The following HECW2 variants were observed in gnomAD, a reference collection of about 807,000 sequenced individuals.
HECW2 encodes the protein E3 ubiquitin-protein ligase HECW2.
A neutral mutation model predicts 175.2 loss-of-function variants in HECW2; 61 were observed. The ratio of observed to expected loss-of-function variants is 0.35; its 90% CI spans 0.28 to 0.43. The LOEUF is 0.43. HECW2 is among the 20% of genes least tolerant of loss of function. The pLI, the probability that HECW2 is intolerant of heterozygous loss-of-function variation, is 1.00. For synonymous variants in HECW2, 671 were observed against 731.0 expected (o/e 0.92, Z 1.32); for missense variants, 1,524 against 2,000.5 (o/e 0.76, Z 4.54).
At chr2:196,265,608 AG>A (rs1214881990) in intron 17 of HECW2, among the ~76,000 whole-genome samples, 1 of 152,188 alleles carries the variant, frequency 6.6e-6, no homozygotes, top group Non-Finnish European at 1.5e-5. Context: ...TTAGAATTAG[AG>A]TAAGTTTAGG....
intron 1 of HECW2, among the ~76,000 whole-genome samples, chr2:196,517,663 A>C (rs80233753): frequency 0.14 from 20,909 of 152,230 alleles, 1,512 homozygotes; most frequent in Middle Eastern, 0.24. Flanking sequence ...TCATATAATA[A>C]TACTACAGTT....
At chr2:196,422,277 A>G (rs945865868) in intron 2 of HECW2, among the ~76,000 whole-genome samples, 2 of 152,140 alleles carry the variant, frequency 1.3e-5, no homozygotes, top group African/African-American at 4.8e-5. Flanking sequence ...TGCTCACTGA[A>G]TAGCCAAAGG....
rs768262483 is a variant in HECW2 at position 196,570,186 on chromosome 2, TTTC to T, written c.-36+23319_-36+23321del. 1.7e-4 allele frequency among the ~76,000 whole-genome samples: 26 copies of T among 152,344 alleles called. 1 individual carries two copies. Among genetic ancestry groups the T allele is most frequent in the Middle Eastern group, 6.8e-3 (2 of 294 alleles). ...GTCATTAAACGTTGTAAGGTCCTGT[TTTC>T]TTAACTATAAAATAAAATGGATACA... On this transcript the variant is annotated intron_variant, in intron 1 of 28. Coordinates refer to ENST00000644978, the MANE Select transcript of HECW2 (RefSeq NM_001348768.2).
chr2:196,593,288 G>A (rs1319756262), intron 1 of HECW2, among the ~76,000 whole-genome samples: 2 of 151,220 alleles, frequency 1.3e-5, no homozygotes, highest in Non-Finnish European at 3.0e-5. Flanking sequence ...GAGGGCGCCG[G>A]GGGTCCTGCG....
intron 3 of HECW2, among the ~76,000 whole-genome samples, chr2:196,340,286 C>T (rs1371893825): frequency 6.6e-6 from 1 of 152,058 alleles, no homozygotes; most frequent in Non-Finnish European, 1.5e-5. Context: ...AATGCTCTAG[C>T]CAGACAATGG....
chr2:196,364,278 T>TC (rs1559069136), intron 2 of HECW2, among the ~76,000 whole-genome samples: 1 of 151,864 alleles, frequency 6.6e-6, no homozygotes, highest in Admixed American at 6.6e-5. Flanking sequence ...AAAACCTACT[T>TC]CCCCCCAGCA....
chr2:196,541,891 G>A (rs186473677), intron 1 of HECW2, among the ~76,000 whole-genome samples: 231 of 151,730 alleles, frequency 1.5e-3, no homozygotes, highest in African/African-American at 5.2e-3. Flanking sequence ...AATAATTGCA[G>A]AAAAAAAGAA....
intron 15 of HECW2, among the ~76,000 whole-genome samples, chr2:196,275,488 T>C (rs1689910403): frequency 6.6e-6 from 1 of 152,184 alleles, no homozygotes; most frequent in South Asian, 2.1e-4. Context: ...GCACGGTGGC[T>C]CACACCTATA....
At chr2:196,297,711 A>T (rs889309624) in intron 13 of HECW2, among the ~76,000 whole-genome samples, 1 of 152,256 alleles carries the variant, frequency 6.6e-6, no homozygotes, top group African/African-American at 2.4e-5. Flanking sequence ...GGTTTGGAAA[A>T]GCACGTCACC....
At chr2:196,241,408 G>A (rs1283784247) in intron 20 of HECW2, among the ~76,000 whole-genome samples, 2 of 152,178 alleles carry the variant, frequency 1.3e-5, no homozygotes, top group East Asian at 3.8e-4. Flanking sequence ...TGTTGGTCTG[G>A]TCTCTGGACC....
intron 13 of HECW2, among the ~76,000 whole-genome samples, chr2:196,296,180 T>TA (rs1690807232): frequency 6.6e-6 from 1 of 152,238 alleles, no homozygotes; most frequent in Admixed American, 6.5e-5. Flanking sequence ...GTAATTTATA[T>TA]ATCTATAGTT....
rs771878534 is a variant in HECW2, at chr2:196,319,453, T to C, written c.1437A>G (p.Pro479=). 4.3e-6 allele frequency: 7 copies of C among 1,613,918 alleles called. No individual in the cohort carries two copies. In the Admixed American group the frequency reaches 5.0e-5, roughly 12 times the overall value. Residue 479 remains proline (P), a synonymous_variant, in exon 9 of 29, where the codon CCA becomes CCG. Transcript: ENST00000644978. ...GGCCTCCCTCCTCCTCCAAGGAAGA[T>C]GGGTAACCCAGGTCTTGCTGGAACT... ...DHEFQQDLGY[P]SSLEEEGGLI...
At chr2:196,352,788 C>T (rs1693216809) in intron 2 of HECW2, among the ~76,000 whole-genome samples, 1 of 152,122 alleles carries the variant, frequency 6.6e-6, no homozygotes, top group Non-Finnish European at 1.5e-5. Context: ...ACTCATTTGA[C>T]AAGGAAAAGA....
At chr2:196,522,145 T>C (rs1688423184) in intron 1 of HECW2, among the ~76,000 whole-genome samples, 1 of 152,096 alleles carries the variant, frequency 6.6e-6, no homozygotes, top group African/African-American at 2.4e-5. Flanking sequence ...CCAGCATCTG[T>C]TGTTTCCTGA....
intron 11 of HECW2, 117 bp from the exon 12 acceptor site, chr2:196,307,350 A>T: frequency 1.7e-6 from 1 of 580,942 alleles, no homozygotes; most frequent in South Asian, 2.9e-5. Flanking sequence ...TCCTCCTCCA[A>T]CCCCCATTCC....
intron 1 of HECW2, among the ~76,000 whole-genome samples, chr2:196,512,636 C>T (rs148641126): frequency 9.0e-4 from 137 of 151,946 alleles, no homozygotes; most frequent in African/African-American, 3.0e-3. Flanking sequence ...GCAATCCTAC[C>T]GCAACCTCTC....
At chr2:196,342,293 AC>A (rs1322860920) in intron 3 of HECW2, among the ~76,000 whole-genome samples, 1 of 151,326 alleles carries the variant, frequency 6.6e-6, no homozygotes, top group Non-Finnish European at 1.5e-5. Flanking sequence ...AATCCCAGCT[AC>A]TCTGGAGGCT....
intron 1 of HECW2, among the ~76,000 whole-genome samples, chr2:196,553,004 G>A (rs1020068045): frequency 1.6e-4 from 25 of 152,222 alleles, no homozygotes; most frequent in African/African-American, 6.0e-4. Context: ...CCCAGGGGGA[G>A]ATGACTGTGC....
chr2:196,217,573 A>G (rs1687522627), intron 26 of HECW2: 1 of 152,688 alleles, frequency 6.5e-6, no homozygotes. Context: ...AAACAAATAC[A>G]TAACTGCAAG....
Sources: allele counts gnomAD v4.1 joint callset (sites outside exome capture counted in the v4.1 genomes callset), GRCh38; gene constraint gnomAD v4.1.1; transcripts MANE v1.5; gene names NCBI Gene and HGNC (gene_info 2026-07-23, HGNC 2026-07-21).